The following SPINK5 variants were observed in gnomAD, a reference collection of about 807,000 sequenced individuals.
SPINK5 encodes the protein serine peptidase inhibitor Kazal type 5.
In SPINK5, 125 loss-of-function variants were observed where a neutral mutation model predicts 151.8. The observed-to-expected ratio is 0.82, with a 90% confidence interval of 0.71 to 0.96. The LOEUF is 0.96. Ranked by LOEUF, SPINK5 falls within the 40% of genes least tolerant of loss-of-function variation. The pLI, the probability that SPINK5 is intolerant of heterozygous loss-of-function variation, is 0.00. For synonymous variants in SPINK5, 374 were observed against 395.3 expected (o/e 0.95, Z 0.64); for missense variants, 1,194 against 1,291.9 (o/e 0.92, Z 1.16).
At chr5:148,064,227 A>G in intron 1 of SPINK5, 128 bp downstream of exon 1, 7 of 952,032 alleles carry the variant, frequency 7.4e-6, no homozygotes, top group South Asian at 6.5e-5. Flanking sequence ...ATGTCTTGCC[A>G]GACACAGAGT....
chr5:148,102,524 A>C (rs926558008), intron 15 of SPINK5, among the ~76,000 whole-genome samples: 2 of 152,142 alleles, frequency 1.3e-5, no homozygotes, highest in African/African-American at 4.8e-5. Context: ...TCAAGTAAGA[A>C]CACAATTTAA....
chr5:148,106,105 A>G (rs1302778424), intron 16 of SPINK5, among the ~76,000 whole-genome samples: 1 of 151,902 alleles, frequency 6.6e-6, no homozygotes, highest in African/African-American at 2.4e-5. Context: ...TTCATCCATT[A>G]TGTTTGATCA....
intron 29 of SPINK5, among the ~76,000 whole-genome samples, chr5:148,126,351 T>G (rs1382385399): frequency 6.6e-6 from 1 of 151,978 alleles, no homozygotes; most frequent in African/African-American, 2.4e-5. Context: ...AAGCACACTG[T>G]GAACACAACA....
chr5:148,109,229 T>C (rs557274701), intron 18 of SPINK5, among the ~76,000 whole-genome samples: 1 of 152,278 alleles, frequency 6.6e-6, no homozygotes, highest in African/African-American at 2.4e-5. Flanking sequence ...CACTTAATTA[T>C]CTGTGAGATT....
intron 13 of SPINK5, 120 bp downstream of exon 13, chr5:148,100,701 A>G: frequency 8.7e-7 from 1 of 1,149,358 alleles, no homozygotes. Flanking sequence ...GCATATTTAG[A>G]GAAACTGTCT....
chr5:148,086,640 T>C, intron 5 of SPINK5, 108 bp downstream of exon 5: 3 of 1,405,538 alleles, frequency 2.1e-6, no homozygotes, highest in Non-Finnish European at 2.9e-6. Flanking sequence ...ATGTGGGAGT[T>C]AGCCATTCCT....
chr5:148,116,516 C>G, intron 22 of SPINK5, 50 bp downstream of exon 22: 2 of 1,542,906 alleles, frequency 1.3e-6, no homozygotes, highest in Non-Finnish European at 1.8e-6. Flanking sequence ...AACTCCTTGA[C>G]AATAGGACTG....
Position 148,133,787 on chromosome 5 carries a change from T to C in SPINK5, c.3096-10T>C, listed in dbSNP as rs763142727. ...TCCTCGTTGTTGAAGCATCCTCTGA[T>C]CTGTTTTAGGATACGCCAAACAAAT... On this transcript the variant is annotated splice_polypyrimidine_tract_variant and intron_variant, in intron 31 of 32. Coordinates refer to ENST00000256084, the MANE Select transcript of SPINK5 (RefSeq NM_006846.4). The C allele has an allele frequency of 3.7e-6, 6 of 1,613,672 alleles. No individual in the cohort carries two copies. In the South Asian group the frequency reaches 6.6e-5, roughly 18 times the overall value.
At chr5:148,086,678 C>T (rs1259134675) in intron 5 of SPINK5, 146 bp downstream of exon 5, 2 of 1,021,746 alleles carry the variant, frequency 2.0e-6, no homozygotes, top group African/African-American at 3.3e-5. Context: ...TCTTTTACTA[C>T]TCTTAAGACA....
At chr5:148,104,112 G>C (rs1203658641) in intron 15 of SPINK5, among the ~76,000 whole-genome samples, 1 of 152,046 alleles carries the variant, frequency 6.6e-6, no homozygotes, top group Non-Finnish European at 1.5e-5. Context: ...TTTTGTACCA[G>C]GTACTGTTCT....
At chr5:148,071,181 A>C (rs1752728999) in intron 3 of SPINK5, among the ~76,000 whole-genome samples, 1 of 152,090 alleles carries the variant, frequency 6.6e-6, no homozygotes, top group Non-Finnish European at 1.5e-5. Context: ...ATTTCTGACC[A>C]CTGTCAAAAC....
At chr5:148,066,158 G>A (rs1406855328) in intron 2 of SPINK5, among the ~76,000 whole-genome samples, 1 of 152,110 alleles carries the variant, frequency 6.6e-6, no homozygotes, top group Non-Finnish European at 1.5e-5. Flanking sequence ...CCAGACAGAA[G>A]CACCTGTGAG....
intron 14 of SPINK5, 39 bp downstream of exon 14, chr5:148,101,475 C>A (rs1401668196): frequency 1.4e-6 from 2 of 1,445,124 alleles, no homozygotes; most frequent in African/African-American, 1.4e-5. Flanking sequence ...GGGATATGGC[C>A]CTGAGGATCC....
intron 28 of SPINK5, chr5:148,125,469 G>GA (rs1754405519): frequency 2.0e-6 from 3 of 1,520,050 alleles, no homozygotes; most frequent in Non-Finnish European, 2.7e-6. Flanking sequence ...ATGAACGGGA[G>GA]AAAAAAACAG....
At chr5:148,093,622 C>T (rs1452927289) in intron 8 of SPINK5, among the ~76,000 whole-genome samples, 2 of 151,530 alleles carry the variant, frequency 1.3e-5, no homozygotes, top group Non-Finnish European at 2.9e-5. Flanking sequence ...CATATTAAGT[C>T]ACTTTTAGAC....
intron 4 of SPINK5, among the ~76,000 whole-genome samples, chr5:148,080,539 T>C (rs1443562798): frequency 6.6e-6 from 1 of 151,436 alleles, no homozygotes. Context: ...CTTACTTTTA[T>C]GGTCAGTTAA....
chr5:148,080,687 C>T (rs1283996705), intron 4 of SPINK5, among the ~76,000 whole-genome samples: 1 of 151,300 alleles, frequency 6.6e-6, no homozygotes, highest in East Asian at 1.9e-4. Context: ...ATATATGAAA[C>T]TTCTCATGTA....
In SPINK5 at chr5:148,118,540, A is replaced by G; in HGVS notation, c.2216A>G (p.Gln739Arg). ...GCTGATGGCAAATCGTACAACAATCAGTGTACCATGTGTAAAGCAAAATTG... is the reference window on the plus strand; with the variant it reads ...GCTGATGGCAAATCGTACAACAATCGGTGTACCATGTGTAAAGCAAAATTG... Reference protein sequence around the residue: ...RDADGKSYNNQCTMCKAKLER... With the variant: ...RDADGKSYNNRCTMCKAKLER... The change falls in exon 23 of 33, where the codon CAG (glutamine) becomes CGG (arginine). Residue 739 changes from glutamine to arginine, a missense_variant. Transcript: ENST00000256084. The G allele has an allele frequency of 6.2e-7, 1 of 1,614,180 alleles. No homozygotes were observed. The highest frequency in any genetic ancestry group is 8.5e-7 in the Non-Finnish European group (1 of 1,180,002).
intron 10 of SPINK5, 110 bp from the exon 11 acceptor site, chr5:148,097,755 TAA>T (rs141345004): frequency 0.022 from 26,647 of 1,237,960 alleles, 594 homozygotes; most frequent in South Asian, 0.097. Context: ...TCCTAAATCT[TAA>T]AAGTTTTATT....
Sources: gnomAD v4.1 joint callset for allele counts (sites outside exome capture counted in the v4.1 genomes callset) on GRCh38, gnomAD v4.1.1 for gene constraint, MANE v1.5 for transcripts, NCBI Gene and HGNC (gene_info 2026-07-23, HGNC 2026-07-21) for gene names.